MAP2K3: variants seen among roughly 807,000 people sequenced by gnomAD.
The protein encoded by MAP2K3 is dual specificity mitogen-activated protein kinase kinase 3.
In MAP2K3, 30 loss-of-function variants were observed where a neutral mutation model predicts 46.4. That is an observed-to-expected ratio of 0.65 (90% CI 0.48 to 0.88). The LOEUF (loss-of-function observed/expected upper bound fraction) is 0.88. MAP2K3 is among the 40% of genes least tolerant of loss of function. The probability of loss-of-function intolerance (pLI) is 0.00; values close to 1 mark genes in which losing one functional copy is unlikely to be tolerated. For synonymous variants in MAP2K3, 189 were observed against 176.3 expected, an observed-to-expected ratio of 1.07 and a Z score of -0.57; for missense variants, 380 against 464.5, an observed-to-expected ratio of 0.82 and a Z score of 1.67.
At chr17:21,294,101 C>T (rs989532667) in intron 1 of MAP2K3, among the ~76,000 whole-genome samples, 2 of 152,312 alleles carry the variant, frequency 1.3e-5, no homozygotes, top group Admixed American at 6.5e-5. Flanking sequence ...AGCCTGTGCC[C>T]ACTTCTCGGG....
At position 21,302,279 on chromosome 17, in the gene MAP2K3, TGG is replaced by T. The variant is rs1491015911; in HGVS notation, c.516+21_516+22del. ...GTGTCTGTGAGTGGCCTGGGTGGGC[TGG>T]CGGGGGGTCCTAGGTGCATAGGCAG... On this transcript the variant is annotated intron_variant, in intron 6 of 11. Coordinates refer to ENST00000342679, the MANE Select transcript of MAP2K3 (RefSeq NM_145109.3). The T allele has an allele frequency of 6.4e-6, 3 of 469,556 alleles. No homozygotes were observed. Among genetic ancestry groups the T allele is most frequent in the South Asian group, 5.1e-5 (3 of 59,380 alleles). 29.1% of individuals were successfully genotyped at this position (469,556 alleles called of 1,614,324 possible).
chr17:21,308,616 T>G (rs1977016078), intron 9 of MAP2K3, among the ~76,000 whole-genome samples: 1 of 152,278 alleles, frequency 6.6e-6, no homozygotes, highest in Non-Finnish European at 1.5e-5. Flanking sequence ...AAATTTTTTT[T>G]TTTTGAGGTG....
intron 1 of MAP2K3, among the ~76,000 whole-genome samples, chr17:21,293,484 T>C (rs1387694955): frequency 2.9e-3 from 440 of 151,954 alleles, no homozygotes; most frequent in African/African-American, 0.01. Flanking sequence ...GCTGAGCATC[T>C]GGCCTCCCCA....
At chr17:21,285,195 A>C (rs1309966097) in intron 1 of MAP2K3, 19 of 973,344 alleles carry the variant, frequency 2.0e-5, no homozygotes, top group Non-Finnish European at 2.3e-5. Context: ...GAGATCACCC[A>C]GGCTGGACCC....
At chr17:21,302,079 C>A in intron 5 of MAP2K3, 64 bp from the exon 6 acceptor site, 1 of 1,497,354 alleles carries the variant, frequency 6.7e-7, no homozygotes, top group Non-Finnish European at 9.3e-7. Flanking sequence ...CTGGGGCAGG[C>A]AGTGCAGGTG....
At chr17:21,305,777 C>T (rs1976863315) in intron 9 of MAP2K3, among the ~76,000 whole-genome samples, 1 of 152,304 alleles carries the variant, frequency 6.6e-6, no homozygotes, top group Non-Finnish European at 1.5e-5. Context: ...GGGAAGACCA[C>T]CAGGATGTGT....
At chr17:21,296,456 C>G (rs745829843) in intron 1 of MAP2K3, among the ~76,000 whole-genome samples, 1 of 152,312 alleles carries the variant, frequency 6.6e-6, no homozygotes, top group African/African-American at 2.4e-5. Context: ...ACTCTGTTGC[C>G]GTTTCTTGTT....
chr17:21,304,028 C>A (rs1225941034), intron 7 of MAP2K3, among the ~76,000 whole-genome samples: 1 of 151,714 alleles, frequency 6.6e-6, no homozygotes. Flanking sequence ...TCCAAACACG[C>A]AGATCCTGCC....
At position 21,284,915 on chromosome 17, in the gene MAP2K3, T is replaced by G. The variant is rs1975682681; in HGVS notation, c.-6T>G. 6.2e-7 allele frequency: 1 copy of G among 1,611,982 alleles called. No individual in the cohort carries two copies. The highest frequency in any genetic ancestry group is 1.3e-5 in the African/African-American group (1 of 74,912). On this transcript the variant is annotated 5_prime_UTR_variant, in exon 1 of 12. Coordinates refer to ENST00000342679, the MANE Select transcript of MAP2K3 (RefSeq NM_145109.3). ...TCTCCACCGCCGTCCAGGACCCACT[T>G]GCAGCATGGAGTCGCCCGCCTCGAG...
chr17:21,300,477 C>T, intron 3 of MAP2K3, 68 bp from the exon 4 acceptor site: 1 of 1,489,202 alleles, frequency 6.7e-7, no homozygotes. Context: ...CCAGGTATCT[C>T]CACTGGGCAT....
At position 21,284,732 on chromosome 17, in the gene MAP2K3, G is replaced by A. The variant is rs1597794561; in HGVS notation, c.-189G>A. 1 of 533,866 alleles carries A rather than the reference G, an allele frequency of 1.9e-6. No homozygotes were observed. Among genetic ancestry groups the A allele is most frequent in the Non-Finnish European group, 3.1e-6 (1 of 319,334 alleles). The allele number at this position is 533,866 out of a possible 1,614,324, so 33.1% of individuals were successfully genotyped here. On this transcript the variant is annotated 5_prime_UTR_variant, in exon 1 of 12. Transcript: ENST00000342679. ...GCCCAGTCTGTCTCCGGCGCCGCCC[G>A]TCGCGGACTCGTCCTTGCTGCAGTC...
intron 3 of MAP2K3, among the ~76,000 whole-genome samples, chr17:21,299,477 C>T (rs967838630): frequency 8.5e-5 from 13 of 152,304 alleles, no homozygotes; most frequent in Non-Finnish European, 1.5e-4. Flanking sequence ...AGCCTCGGAG[C>T]TCGGGACCAG....
chr17:21,291,389 C>T (rs1392532975), intron 1 of MAP2K3: 6 of 341,280 alleles, frequency 1.8e-5, no homozygotes, highest in Non-Finnish European at 3.4e-5. Context: ...GTAGTGATAA[C>T]AGTGAAGCAC....
At position 21,303,145 on chromosome 17, in the gene MAP2K3, G is replaced by A. The variant is rs772973874; in HGVS notation, c.517-38G>A. 11 of 1,613,572 alleles carry A rather than the reference G, an allele frequency of 6.8e-6. No homozygotes were observed. The Admixed American group carries it at 1.7e-4, about 24-fold the overall frequency. On this transcript the variant is annotated intron_variant, in intron 6 of 11. Transcript: ENST00000342679. Reference sequence around the variant, plus strand: ...GTTTTTGACGTGACCAGGAATAACAGAGTCCTGTCTCTTCCCTCCTCCCCA... The same window carrying A: ...GTTTTTGACGTGACCAGGAATAACAAAGTCCTGTCTCTTCCCTCCTCCCCA...
At chr17:21,295,399 A>G (rs2036508985) in intron 1 of MAP2K3, among the ~76,000 whole-genome samples, 2 of 152,298 alleles carry the variant, frequency 1.3e-5, no homozygotes, top group South Asian at 4.1e-4. Context: ...AGGACACCCC[A>G]GGACACCCCG....
intron 3 of MAP2K3, 87 bp from the exon 4 acceptor site, chr17:21,300,458 T>G: frequency 7.2e-7 from 1 of 1,388,918 alleles, no homozygotes; most frequent in Non-Finnish European, 1.0e-6. Flanking sequence ...CTGGTCCTCT[T>G]CATGCTGCCC....
rs888953688 is a variant in MAP2K3 at position 21,310,555 on chromosome 17, C to T, written c.775-1587C>T. Among the ~76,000 whole-genome samples, 10 of 152,262 alleles carry T rather than the reference C, an allele frequency of 6.6e-5. 1 individual carries two copies. Among genetic ancestry groups the T allele is most frequent in the Admixed American group, 2.6e-4 (4 of 15,290 alleles). ...TGCAAGGGCCCCAGAGCTCTCTTGGCGTTGGCTTTTTCCCACTCACTGCAC... is the reference window on the plus strand; with the variant it reads ...TGCAAGGGCCCCAGAGCTCTCTTGGTGTTGGCTTTTTCCCACTCACTGCAC... On this transcript the variant is annotated intron_variant, in intron 9 of 11. Transcript: ENST00000342679.
chr17:21,295,170 G>T (rs1294231495), intron 1 of MAP2K3, among the ~76,000 whole-genome samples: 2 of 152,310 alleles, frequency 1.3e-5, no homozygotes, highest in Non-Finnish European at 2.9e-5. Context: ...GGGAAAGCAG[G>T]TGTCTCATTC....
rs780504964 is a variant in MAP2K3 at position 21,314,153 on chromosome 17, C to A, written c.967C>A (p.Pro323Thr). The change falls in exon 12 of 12, where the codon CCC becomes ACC. Residue 323 changes from proline (P) to threonine (T), a missense_variant. Physicochemically the swap from Pro to Thr is conservative, Grantham distance 38. Transcript: ENST00000342679. ...TGCCTTCTGTCACCCCCAGGAGCAC[C>A]CCTTCTTCACCTTGCACAAAACCAA... ...RMSYLELMEH[P>T]FFTLHKTKKT... 1 of 1,613,652 alleles carries A rather than the reference C, an allele frequency of 6.2e-7. No individual in the cohort carries two copies. Among genetic ancestry groups the A allele is most frequent in the African/African-American group, 1.3e-5 (1 of 74,904 alleles).
Sources: allele counts gnomAD v4.1 joint callset (sites outside exome capture counted in the v4.1 genomes callset), GRCh38; gene constraint gnomAD v4.1.1; transcripts MANE v1.5; gene names NCBI Gene and HGNC (gene_info 2026-07-23, HGNC 2026-07-21).